ZNF726: variants seen among roughly 807,000 people sequenced by gnomAD.
ZNF726 encodes the protein zinc finger protein 92 pseudogene 3.
In ZNF726, 15 loss-of-function variants were observed where a neutral mutation model predicts 11.6. The observed-to-expected ratio is 1.29, with a 90% CI of 0.86 to 1.99. ZNF726 has a LOEUF of 1.99. ZNF726 is among the 30% of genes most tolerant of loss of function. The pLI, the probability that ZNF726 is intolerant of heterozygous loss-of-function variation, is 0.00. For synonymous variants in ZNF726, 295 were observed against 243.6 expected, an observed-to-expected ratio of 1.21 and a Z score of -1.96; for missense variants, 890 against 725.6, an observed-to-expected ratio of 1.23 and a Z score of -2.60.
Position 23,933,032 on chromosome 19 carries a change from A to T in ZNF726, c.916A>T (p.Met306Leu). Reference sequence around the variant, plus strand: ...CTCAGCACTAACCATACATAAGAGGATGCACATTGGAGAGAAACCCTACAA... The same window carrying T: ...CTCAGCACTAACCATACATAAGAGGTTGCACATTGGAGAGAAACCCTACAA... ...QPSALTIHKRMHIGEKPYKCE... is the reference protein window; with the variant it reads ...QPSALTIHKRLHIGEKPYKCE... Residue 306 changes from methionine to leucine, a missense_variant, in exon 4 of 4, where the codon ATG (methionine) becomes TTG (leucine). Met to Leu is a conservative substitution (Grantham distance 15). Transcript: ENST00000594466. 6.2e-7 allele frequency: 1 copy of T among 1,613,442 alleles called. No homozygotes were observed. Among genetic ancestry groups the T allele is most frequent in the South Asian group, 1.1e-5 (1 of 91,040 alleles).
intron 1 of ZNF726, among the ~76,000 whole-genome samples, chr19:23,916,560 G>A (rs1032438510): frequency 3.3e-5 from 5 of 152,082 alleles, no homozygotes; most frequent in Non-Finnish European, 4.4e-5. Context: ...TGAACTTCTG[G>A]TTTCAAGTCA....
At chr19:23,931,271 C>G (rs1175489236) in intron 3 of ZNF726, among the ~76,000 whole-genome samples, 1 of 152,188 alleles carries the variant, frequency 6.6e-6, no homozygotes, top group Non-Finnish European at 1.5e-5. Context: ...CGCTCCCCAG[C>G]CAAAACCGCA....
At chr19:23,917,043 T>C (rs1967718181) in intron 1 of ZNF726, among the ~76,000 whole-genome samples, 1 of 152,214 alleles carries the variant, frequency 6.6e-6, no homozygotes, top group African/African-American at 2.4e-5. Flanking sequence ...CTCCAAATCC[T>C]GACTTCAGGT....
At chr19:23,919,727 C>T in intron 2 of ZNF726, 1 of 528,070 alleles carries the variant, frequency 1.9e-6, no homozygotes, top group South Asian at 2.9e-5. Context: ...ATTTCAGAAC[C>T]TTAGTGGCAT....
At chr19:23,938,589 GTTTTTTTTTCT>G, downstream of ZNF726, among the ~76,000 whole-genome samples, 1 of 142,380 alleles carries the variant, frequency 7.0e-6, no homozygotes, top group Non-Finnish European at 1.5e-5. Context: ...TCGTTTAATA[GTTTTTTTTTCT>G]TTTTTTTTTC....
intron 3 of ZNF726, chr19:23,928,581 C>T (rs1008850706): frequency 1.3e-5 from 2 of 151,982 alleles, no homozygotes; most frequent in Non-Finnish European, 2.9e-5. Context: ...TATATACTAC[C>T]AATGTTTGTC....
At chr19:23,940,527 A>G (rs1244909623) in intron 3 of ZNF726, among the ~76,000 whole-genome samples, 9 of 152,022 alleles carry the variant, frequency 5.9e-5, no homozygotes, top group Non-Finnish European at 1.2e-4. Context: ...CTGTGTGAAG[A>G]ATGATGGTGG....
At chr19:23,938,417 A>T (rs1484492254), downstream of ZNF726, among the ~76,000 whole-genome samples, 1 of 152,082 alleles carries the variant, frequency 6.6e-6, no homozygotes, top group African/African-American at 2.4e-5. Flanking sequence ...TTTACTAGAA[A>T]AAAACCAAAA....
At chr19:23,926,011 G>A (rs1272430315) in intron 3 of ZNF726, among the ~76,000 whole-genome samples, 4 of 151,926 alleles carry the variant, frequency 2.6e-5, no homozygotes, top group Non-Finnish European at 4.4e-5. Context: ...CACCACGCCC[G>A]GCTATTGTTT....
chr19:23,937,652 C>G (rs566930242), downstream of ZNF726, among the ~76,000 whole-genome samples: 61 of 152,084 alleles, frequency 4.0e-4, no homozygotes, highest in African/African-American at 1.5e-3. Context: ...ATGCTCCTCA[C>G]TTTCCAGACT....
At chr19:23,924,387 T>C (rs1407054091) in intron 3 of ZNF726, among the ~76,000 whole-genome samples, 1 of 152,158 alleles carries the variant, frequency 6.6e-6, no homozygotes, top group African/African-American at 2.4e-5. Context: ...TTTTATCTTG[T>C]CTAAGTTAGT....
rs916044901 is a variant in ZNF726, at chr19:23,944,472, G to A, written c.323-281G>A. 3.9e-5 allele frequency: 6 copies of A among 152,680 alleles called. No individual in the cohort carries two copies. In the East Asian group the frequency reaches 7.6e-4, roughly 19 times the overall value. 9.5% of individuals were successfully genotyped at this position (152,680 alleles called of 1,614,324 possible). A position where few individuals can be genotyped will look rare whatever the true frequency, so the allele number is the denominator to read the frequency against. On this transcript the variant is annotated intron_variant, in intron 4 of 4. Transcript: ENST00000334589. ...TATTTGCATGTCTTTATTGAAAAAT[G>A]TTTACTAATGTTATTTGCCCATTTT...
chr19:23,933,116 C>G lies in ZNF726; in HGVS notation c.1000C>G (p.Leu334Val), dbSNP rs745796007. The change falls in exon 4 of 4, where the codon CTG (leucine) becomes GTG (valine). Residue 334 changes from leucine to valine, a missense_variant. Physicochemically the swap from Leu to Val is conservative, Grantham distance 32. Transcript: ENST00000594466. ...WSSTLTRHKR[L>V]HSGEKPYKCE... Reference sequence around the variant, plus strand: ...CTCAACCCTAACTAGACATAAGAGGCTGCACAGTGGAGAGAAACCCTACAA... The same window carrying G: ...CTCAACCCTAACTAGACATAAGAGGGTGCACAGTGGAGAGAAACCCTACAA... 17 of 1,602,538 alleles carry G rather than the reference C, an allele frequency of 1.1e-5. No homozygotes were observed. The highest frequency in any genetic ancestry group is 7.7e-5 in the South Asian group (7 of 90,568).
chr19:23,939,674 C>G (rs116663773), intron 3 of ZNF726, among the ~76,000 whole-genome samples: 2 of 152,056 alleles, frequency 1.3e-5, no homozygotes, highest in Non-Finnish European at 2.9e-5. Context: ...ACTGCATCCA[C>G]GCCAACATCT....
chr19:23,933,176 G>T lies in ZNF726; in HGVS notation c.1060G>T (p.Gly354Ter), dbSNP rs751357019. 6.3e-7 allele frequency: 1 copy of T among 1,586,760 alleles called. No individual in the cohort carries two copies. Among genetic ancestry groups the T allele is most frequent in the Admixed American group, 1.7e-5 (1 of 58,034 alleles). The part of the protein sequence containing the change: ...EECAKAFSQF[G>*]HLTTHRIIHT... ...ATGTGCCAAAGCTTTTAGCCAATTCGGACACCTTACTACACATAGGATAAT... is the reference window on the plus strand; with the variant it reads ...ATGTGCCAAAGCTTTTAGCCAATTCTGACACCTTACTACACATAGGATAAT... Residue 354 changes from glycine (G) to a stop codon, truncating the protein, a stop_gained, in exon 4 of 4, where the codon GGA becomes TGA. Transcript: ENST00000594466. LOFTEE classifies it low-confidence loss of function (END_TRUNC).
At chr19:23,917,533 A>G (rs1967732961) in intron 1 of ZNF726, among the ~76,000 whole-genome samples, 1 of 152,148 alleles carries the variant, frequency 6.6e-6, no homozygotes, top group Non-Finnish European at 1.5e-5. Flanking sequence ...AGCTGTAGAC[A>G]ATGAATACAT....
At chr19:23,925,487 C>T (rs1013279817) in intron 3 of ZNF726, among the ~76,000 whole-genome samples, 5 of 151,930 alleles carry the variant, frequency 3.3e-5, no homozygotes, top group Admixed American at 6.6e-5. Flanking sequence ...CCACCACGCC[C>T]GGCCAAGGGT....
chr19:23,929,746 TTAA>T (rs1163054420), intron 3 of ZNF726, among the ~76,000 whole-genome samples: 2 of 152,228 alleles, frequency 1.3e-5, no homozygotes, highest in African/African-American at 2.4e-5. Context: ...TTTCAGTTTA[TTAA>T]TGTTAAAATT....
intron 1 of ZNF726, among the ~76,000 whole-genome samples, chr19:23,916,809 T>C (rs1391925038): frequency 6.6e-6 from 1 of 152,158 alleles, no homozygotes; most frequent in Non-Finnish European, 1.5e-5. Context: ...AGATTTTTTT[T>C]TTTTTGGAAA....
Sources: allele counts gnomAD v4.1 joint callset (sites outside exome capture counted in the v4.1 genomes callset), GRCh38; gene constraint gnomAD v4.1.1; transcripts MANE v1.5; gene names NCBI Gene and HGNC (gene_info 2026-07-23, HGNC 2026-07-21).